The following AREL1 variants were observed in gnomAD, a reference collection of about 807,000 sequenced individuals.
The protein encoded by AREL1 is apoptosis-resistant E3 ubiquitin protein ligase 1.
Under a neutral mutation model 99.0 loss-of-function variants are expected in AREL1, and 62 were observed. The observed-to-expected ratio is 0.63, with a 90% CI of 0.51 to 0.77. The LOEUF (loss-of-function observed/expected upper bound fraction) is 0.77. AREL1 is among the 30% of genes least tolerant of loss of function. The pLI is 0.00. For missense variants in AREL1, 879 were observed against 1,027.6 expected (o/e 0.86, Z 1.98); for synonymous variants, 380 against 376.5 (o/e 1.01, Z -0.11).
In AREL1 at chr14:74,663,783, T is replaced by G; in HGVS notation, c.2409A>C (p.Glu803Asp). The change falls in exon 20 of 20, where the codon GAA (glutamate) becomes GAC (aspartate). Residue 803 changes from glutamate to aspartate, a missense_variant. Transcript: ENST00000356357. ...QLCLPTYDSY[E>D]EVHRMLQLAI... is the part of the protein sequence containing the mutation. ...CCAGCTGCAGCATCCTGTGCACCTC[T>G]TCATAGGAGTCATATGTAGGGAGGC... The G allele has an allele frequency of 6.2e-7, 1 of 1,614,190 alleles. No homozygotes were observed. The highest frequency in any genetic ancestry group is 8.5e-7 in the Non-Finnish European group (1 of 1,180,030).
intron 2 of AREL1, among the ~76,000 whole-genome samples, chr14:74,687,638 TA>T (rs2089777424): frequency 6.6e-6 from 1 of 152,184 alleles, no homozygotes; most frequent in African/African-American, 2.4e-5. Flanking sequence ...TTAATCTTTG[TA>T]AAGGAGTGCC....
intron 6 of AREL1, 53 bp downstream of exon 6, chr14:74,676,530 G>A (rs2089480587): frequency 6.4e-7 from 1 of 1,568,754 alleles, no homozygotes; most frequent in African/African-American, 1.4e-5. Context: ...GAGAATAACA[G>A]AGAAAGGAGC....
intron 5 of AREL1, among the ~76,000 whole-genome samples, chr14:74,680,788 T>C (rs890108114): frequency 2.0e-5 from 3 of 152,166 alleles, no homozygotes; most frequent in Non-Finnish European, 2.9e-5. Context: ...TCAAAGGAAA[T>C]GCTCACTGAA....
intron 2 of AREL1, among the ~76,000 whole-genome samples, chr14:74,689,768 G>C (rs2089834365): frequency 6.6e-6 from 1 of 151,098 alleles, no homozygotes. Flanking sequence ...GGCTAATTTT[G>C]TATTTTTAGT....
At chr14:74,703,765 G>A (rs934606100) in intron 1 of AREL1, among the ~76,000 whole-genome samples, 5 of 152,200 alleles carry the variant, frequency 3.3e-5, no homozygotes, top group African/African-American at 1.2e-4. Context: ...GTTACATCCA[G>A]TTTGGTGGTA....
Position 74,672,913 on chromosome 14 carries a change from T to G in AREL1, c.1340A>C (p.Gln447Pro), listed in dbSNP as rs779451406. The G allele has an allele frequency of 1.9e-6, 3 of 1,614,074 alleles. No homozygotes were observed. Among genetic ancestry groups the G allele is most frequent in the Non-Finnish European group, 8.5e-7 (1 of 1,180,036 alleles). Residue 447 changes from glutamine (Q) to proline (P), a missense_variant, in exon 11 of 20, where the codon CAG becomes CCG. By Grantham distance (76) the Gln-to-Pro change is moderately conservative. Coordinates refer to ENST00000356357, the MANE Select transcript of AREL1 (RefSeq NM_001039479.2). ...CATATGTACCTGCCGAAGCTCTCGCTGGAAAAAGTTCACCTTGTCCTGAAA... is the reference window on the plus strand; with the variant it reads ...CATATGTACCTGCCGAAGCTCTCGCGGGAAAAAGTTCACCTTGTCCTGAAA... ...ETFQDKVNFF[Q>P]RELRQVHMKR... is the part of the protein sequence containing the mutation.
intron 1 of AREL1, among the ~76,000 whole-genome samples, chr14:74,696,654 G>A (rs1456592668): frequency 6.6e-6 from 1 of 151,882 alleles, no homozygotes; most frequent in Non-Finnish European, 1.5e-5. Context: ...AACCAGACTG[G>A]GCCCTCTCTA....
At chr14:74,693,812 G>C (rs972084853) in intron 1 of AREL1, among the ~76,000 whole-genome samples, 14 of 152,170 alleles carry the variant, frequency 9.2e-5, no homozygotes, top group African/African-American at 3.4e-4. Flanking sequence ...AATGAGTGAA[G>C]ACCAGTAAAT....
Position 74,713,005 on chromosome 14 carries a change from A to T in AREL1, c.-406T>A, listed in dbSNP as rs1566711325. 2 of 893,606 alleles carry T rather than the reference A, an allele frequency of 2.2e-6. No homozygotes were observed. The highest frequency in any genetic ancestry group is 3.7e-6 in the Non-Finnish European group (2 of 545,400). 55.4% of individuals were successfully genotyped at this position (893,606 alleles called of 1,614,324 possible). A position where few individuals can be genotyped will look rare whatever the true frequency, so the allele number is the denominator to read the frequency against. On this transcript the variant is annotated 5_prime_UTR_variant, in exon 1 of 20. Coordinates refer to ENST00000356357, the MANE Select transcript of AREL1 (RefSeq NM_001039479.2). Reference sequence around the variant, plus strand: ...GGAAGGGGCGGCAGCACTCAGCAGAAGACGGGCTCCCCACTCTCCCACCAA... The same window carrying T: ...GGAAGGGGCGGCAGCACTCAGCAGATGACGGGCTCCCCACTCTCCCACCAA...
rs1461863729 is a variant in AREL1, at chr14:74,664,924, A to G, written c.2105T>C (p.Leu702Pro). 1.2e-6 allele frequency: 2 copies of G among 1,613,058 alleles called. No individual in the cohort carries two copies. The highest frequency in any genetic ancestry group is 4.5e-5 in the East Asian group (2 of 44,846). The change falls in exon 18 of 20, where the codon CTG becomes CCG. Residue 702 changes from leucine (L) to proline (P), a missense_variant and splice_region_variant. Leu to Pro is a moderately conservative substitution (Grantham distance 98, BLOSUM62 -3). Coordinates refer to ENST00000356357, the MANE Select transcript of AREL1 (RefSeq NM_001039479.2). The stretch of plus-strand genomic sequence containing the variant: ...GATGTCTCCAGTCCCACACATCAGC[A>G]GCTGGAAAAAGATGGTAAGGTGTTA... ...LAIFDENELELLMCGTGDISV... is the reference protein window; with the variant it reads ...LAIFDENELEPLMCGTGDISV...
intron 2 of AREL1, among the ~76,000 whole-genome samples, chr14:74,688,532 GC>G (rs2139934456): frequency 6.6e-6 from 1 of 152,170 alleles, no homozygotes; most frequent in South Asian, 2.1e-4. Context: ...CTACATTTCT[GC>G]CCCACCTCTA....
rs566685055 is a variant in AREL1, at chr14:74,689,620, G to A, written c.-46+2421C>T. 6.4e-4 allele frequency among the ~76,000 whole-genome samples: 83 copies of A among 130,700 alleles called. No individual in the cohort carries two copies. In the East Asian group the frequency reaches 0.012, roughly 19 times the overall value. 85.7% of individuals were successfully genotyped at this position (130,700 alleles called of 152,430 possible). A position where few individuals can be genotyped will look rare whatever the true frequency, so the allele number is the denominator to read the frequency against. On this transcript the variant is annotated intron_variant, in intron 2 of 19. Coordinates refer to ENST00000356357, the MANE Select transcript of AREL1 (RefSeq NM_001039479.2). ...TTTTTTTTTTTTTTTTTTTTGGGAC[G>A]GAGTTTCACTCTTGTTGCCCAGGCT...
chr14:74,695,493 C>A (rs540655920), intron 1 of AREL1, among the ~76,000 whole-genome samples: 1 of 152,066 alleles, frequency 6.6e-6, no homozygotes, highest in Non-Finnish European at 1.5e-5. Flanking sequence ...CTATCCCTAC[C>A]GTGAGCTACC....
At chr14:74,681,195 A>C (rs1283627063) in intron 5 of AREL1, among the ~76,000 whole-genome samples, 1 of 152,096 alleles carries the variant, frequency 6.6e-6, no homozygotes, top group Non-Finnish European at 1.5e-5. Context: ...CAAAAACAAC[A>C]AAACATTCCT....
Position 74,661,605 on chromosome 14 carries a change from G to GAA in AREL1, c.*2113_*2114dup, listed in dbSNP as rs34192596. 22 of 172,830 alleles carry GAA rather than the reference G, an allele frequency of 1.3e-4. No individual in the cohort carries two copies. The highest frequency in any genetic ancestry group is 2.1e-4 in the Non-Finnish European group (17 of 81,666). 10.7% of individuals were successfully genotyped at this position (172,830 alleles called of 1,614,324 possible). Reference sequence around the variant, plus strand: ...ACTGGCTAGTATGAAAGCAGGATTAGAAAAAAAAAAAACAAAACAGTAAAA... The same window carrying GAA: ...ACTGGCTAGTATGAAAGCAGGATTAGAAAAAAAAAAAAAACAAAACAGTAAAA... On this transcript the variant is annotated 3_prime_UTR_variant, in exon 20 of 20. Coordinates refer to ENST00000356357, the MANE Select transcript of AREL1 (RefSeq NM_001039479.2).
chr14:74,675,578 T>C (rs928395546), intron 8 of AREL1, 121 bp downstream of exon 8: 100 of 1,379,492 alleles, frequency 7.2e-5, no homozygotes, highest in Non-Finnish European at 9.3e-5. Flanking sequence ...TGGCTTTCTA[T>C]ACAACTAGTT....
Position 74,663,599 on chromosome 14 carries a change from G to T in AREL1, c.*121C>A. ...AGGTGACAAAATCCTCCAGACACAG[G>T]GGAGCATGCGGCATCTTCTGGCTGA... On this transcript the variant is annotated 3_prime_UTR_variant, in exon 20 of 20. Transcript: ENST00000356357. 1 of 1,024,970 alleles carries T rather than the reference G, an allele frequency of 9.8e-7. No homozygotes were observed. Among genetic ancestry groups the T allele is most frequent in the East Asian group, 2.4e-5 (1 of 41,852 alleles). The allele number at this position is 1,024,970 out of a possible 1,614,324, so 63.5% of individuals were successfully genotyped here. A position where few individuals can be genotyped will look rare whatever the true frequency, so the allele number is the denominator to read the frequency against.
intron 2 of AREL1, among the ~76,000 whole-genome samples, chr14:74,690,242 C>T (rs2089845854): frequency 9.1e-6 from 1 of 109,710 alleles, no homozygotes; most frequent in Admixed American, 1.3e-4. Flanking sequence ...TCCAACTGCA[C>T]AACAGAGCAA....
chr14:74,666,908 C>T (rs1442248279), intron 17 of AREL1, among the ~76,000 whole-genome samples: 3 of 151,912 alleles, frequency 2.0e-5, no homozygotes, highest in East Asian at 1.9e-4. Flanking sequence ...TCAGTAGAGA[C>T]GGGGTTTCAC....
Sources: gnomAD v4.1 joint callset for allele counts (sites outside exome capture counted in the v4.1 genomes callset) on GRCh38, gnomAD v4.1.1 for gene constraint, MANE v1.5 for transcripts, NCBI Gene and HGNC (gene_info 2026-07-23, HGNC 2026-07-21) for gene names.